Variants in PCSK2 observed in about 807,000 individuals in gnomAD.
PCSK2 encodes the protein neuroendocrine convertase 2.
In PCSK2, 14 loss-of-function variants were observed where a neutral mutation model predicts 69.7. The ratio of observed to expected loss-of-function variants is 0.20; its 90% CI spans 0.13 to 0.31. PCSK2 has a LOEUF of 0.31. Among genes scored for constraint, PCSK2 ranks in the 10% least tolerant of loss-of-function variants. PCSK2 has a pLI of 1.00. For missense variants in PCSK2, 544 were observed against 842.5 expected (o/e 0.65, Z 4.39); for synonymous variants, 307 against 320.7 (o/e 0.96, Z 0.46).
At chr20:17,319,984 T>G (rs1265840580) in intron 2 of PCSK2, among the ~76,000 whole-genome samples, 1 of 152,152 alleles carries the variant, frequency 6.6e-6, no homozygotes, top group Non-Finnish European at 1.5e-5. Context: ...AAAATTTATT[T>G]ATAAGGGGAA....
intron 1 of PCSK2, among the ~76,000 whole-genome samples, chr20:17,250,881 C>A (rs1986951340): frequency 6.6e-6 from 1 of 152,114 alleles, no homozygotes; most frequent in South Asian, 2.1e-4. Context: ...GGGCAGATCA[C>A]TTGGGGTCAG....
intron 8 of PCSK2, among the ~76,000 whole-genome samples, chr20:17,444,531 T>G (rs912429171): frequency 6.6e-6 from 1 of 152,172 alleles, no homozygotes; most frequent in Non-Finnish European, 1.5e-5. Context: ...ACGTTGTATA[T>G]GGGAAGAGGG....
intron 11 of PCSK2, among the ~76,000 whole-genome samples, chr20:17,471,366 T>C (rs2033198312): frequency 6.6e-6 from 1 of 152,204 alleles, no homozygotes; most frequent in Non-Finnish European, 1.5e-5. Flanking sequence ...GTGTTTTCAA[T>C]GAAGAGAAAT....
chr20:17,442,017 CAAA>C (rs11483753), intron 8 of PCSK2, among the ~76,000 whole-genome samples: 2 of 93,474 alleles, frequency 2.1e-5, no homozygotes, highest in Non-Finnish European at 2.1e-5. Flanking sequence ...ATTTAAAAGA[CAAA>C]AAAAAAAAAA....
intron 6 of PCSK2, among the ~76,000 whole-genome samples, chr20:17,426,715 G>A (rs1227197771): frequency 6.6e-6 from 1 of 152,222 alleles, no homozygotes. Flanking sequence ...TACAGGTGAA[G>A]TCCAAAGACA....
chr20:17,314,625 T>G (rs1022523392), intron 2 of PCSK2, among the ~76,000 whole-genome samples: 4 of 152,206 alleles, frequency 2.6e-5, no homozygotes, highest in Admixed American at 2.6e-4. Flanking sequence ...TTTTTTCTGC[T>G]TTTACTACAC....
At chr20:17,311,694 C>T (rs1484760892) in intron 2 of PCSK2, among the ~76,000 whole-genome samples, 1 of 152,102 alleles carries the variant, frequency 6.6e-6, no homozygotes, top group Non-Finnish European at 1.5e-5. Flanking sequence ...GATCCTAGTA[C>T]AGTACATTTT....
intron 2 of PCSK2, among the ~76,000 whole-genome samples, chr20:17,262,466 C>T (rs546115508): frequency 9.2e-5 from 10 of 108,668 alleles, no homozygotes; most frequent in Middle Eastern, 4.4e-3. Flanking sequence ...TTTTTCAAAA[C>T]GAAAAAAAAA....
rs566582886 is a variant in PCSK2 at position 17,273,786 on chromosome 20, G to T, written c.282+13442G>T. On this transcript the variant is annotated intron_variant, in intron 2 of 11. Transcript: ENST00000262545. ...TATACAAATGTTTCCTTTTCACTGT[G>T]CTACAAGTCACAAGTCCAGCATGAG... Among the ~76,000 whole-genome samples, 5 of 152,226 alleles carry T rather than the reference G, an allele frequency of 3.3e-5. No homozygotes were observed. The South Asian group carries it at 1.0e-3, about 32-fold the overall frequency.
At chr20:17,271,767 C>G (rs1185782850) in intron 2 of PCSK2, among the ~76,000 whole-genome samples, 1 of 152,050 alleles carries the variant, frequency 6.6e-6, no homozygotes, top group African/African-American at 2.4e-5. Flanking sequence ...TGTAAAGATT[C>G]TTTTATCTTT....
intron 6 of PCSK2, among the ~76,000 whole-genome samples, chr20:17,416,235 G>C (rs2031996546): frequency 6.6e-6 from 1 of 152,190 alleles, no homozygotes; most frequent in Admixed American, 6.5e-5. Context: ...AGAGTGAACA[G>C]GCAGCCTGCA....
intron 1 of PCSK2, among the ~76,000 whole-genome samples, chr20:17,253,871 G>T (rs1265760701): frequency 6.6e-6 from 1 of 152,172 alleles, no homozygotes; most frequent in Non-Finnish European, 1.5e-5. Flanking sequence ...GTCAACACTT[G>T]CTGGTTTGGG....
chr20:17,419,858 G>A (rs371224484), intron 6 of PCSK2, among the ~76,000 whole-genome samples: 7 of 152,168 alleles, frequency 4.6e-5, no homozygotes, highest in African/African-American at 1.7e-4. Context: ...TGTCATCCCT[G>A]CCATTGACGA....
chr20:17,290,313 C>T (rs1988655710), intron 2 of PCSK2, among the ~76,000 whole-genome samples: 1 of 152,192 alleles, frequency 6.6e-6, no homozygotes, highest in African/African-American at 2.4e-5. Context: ...CCACTTTTCC[C>T]TAAGGATCTG....
At position 17,394,190 on chromosome 20, in the gene PCSK2, A is replaced by G. The variant is rs369034727; in HGVS notation, c.544-15073A>G. ...TAACAAAATAATAATAATTTTGTTA[A>G]TGTTCAGAGCATGAGTGAGCTCCAC... On this transcript the variant is annotated intron_variant, in intron 5 of 11. Coordinates refer to ENST00000262545, the MANE Select transcript of PCSK2 (RefSeq NM_002594.5). Among the ~76,000 whole-genome samples, 2 of 152,222 alleles carry G rather than the reference A, an allele frequency of 1.3e-5. 1 individual carries two copies. Among genetic ancestry groups the G allele is most frequent in the Admixed American group, 1.3e-4 (2 of 15,284 alleles).
At chr20:17,341,947 T>A (rs534724104) in intron 2 of PCSK2, among the ~76,000 whole-genome samples, 1 of 152,350 alleles carries the variant, frequency 6.6e-6, no homozygotes, top group Admixed American at 6.5e-5. Context: ...CTGTCCAGCC[T>A]GCTTCAGCTG....
In PCSK2 at chr20:17,451,915, C is replaced by CTTTT. The variant is rs34323701; in HGVS notation, c.886-1809_886-1806dup. On this transcript the variant is annotated intron_variant, in intron 8 of 11. Coordinates refer to ENST00000262545, the MANE Select transcript of PCSK2 (RefSeq NM_002594.5). ...TGTGAAACACATCAGTTGTACTTTG[C>CTTTT]TTTTTTTTTTTTTTTTTTTTTGAGA... 1.3e-3 allele frequency among the ~76,000 whole-genome samples: 127 copies of CTTTT among 101,590 alleles called. 1 individual carries two copies. The highest frequency in any genetic ancestry group is 3.0e-3 in the African/African-American group (77 of 26,068). The allele number at this position is 101,590 out of a possible 152,430, so 66.6% of individuals were successfully genotyped here.
chr20:17,337,873 G>T (rs1990399088), intron 2 of PCSK2, among the ~76,000 whole-genome samples: 1 of 149,862 alleles, frequency 6.7e-6, no homozygotes, highest in South Asian at 2.1e-4. Context: ...AAGCTGCAGT[G>T]AGCTGTGATC....
At chr20:17,446,379 G>A (rs1056337523) in intron 8 of PCSK2, among the ~76,000 whole-genome samples, 4 of 152,008 alleles carry the variant, frequency 2.6e-5, no homozygotes, top group Non-Finnish European at 5.9e-5. Context: ...GAACCCACAG[G>A]GACTCTGCAG....
Sources: gnomAD v4.1 joint callset for allele counts (sites outside exome capture counted in the v4.1 genomes callset) on GRCh38, gnomAD v4.1.1 for gene constraint, MANE v1.5 for transcripts, NCBI Gene and HGNC (gene_info 2026-07-23, HGNC 2026-07-21) for gene names.